The following MIPOL1 variants were observed in gnomAD, a reference collection of about 807,000 sequenced individuals.
MIPOL1 encodes mirror-image polydactyly 1.
MIPOL1 carries 57 observed loss-of-function variants against 60.9 expected under a neutral mutation model. The ratio of observed to expected loss-of-function variants is 0.94; its 90% CI spans 0.76 to 1.17. MIPOL1 has a LOEUF of 1.17. Ranked by LOEUF, MIPOL1 falls within the 50% of genes most tolerant of loss-of-function variation. MIPOL1 has a pLI of 0.00. For missense variants in MIPOL1, 551 were observed against 511.6 expected (o/e 1.08, Z -0.74); for synonymous variants, 179 against 168.8 (o/e 1.06, Z -0.47).
intron 12 of MIPOL1, among the ~76,000 whole-genome samples, chr14:37,527,167 G>A (rs1464140790): frequency 6.6e-6 from 1 of 151,278 alleles, no homozygotes; most frequent in African/African-American, 2.4e-5. Context: ...AAATAAATTA[G>A]CTTTTTATTA....
chr14:37,270,632 G>A, intron 6 of MIPOL1, 107 bp downstream of exon 6: 1 of 397,064 alleles, frequency 2.5e-6, no homozygotes, highest in Non-Finnish European at 4.2e-6. Flanking sequence ...CAAAGGAGGG[G>A]AAGCTCTCCT....
At chr14:37,259,504 C>G (rs553889153) in intron 3 of MIPOL1, among the ~76,000 whole-genome samples, 1 of 151,838 alleles carries the variant, frequency 6.6e-6, no homozygotes, top group Non-Finnish European at 1.5e-5. Context: ...AAGGTTGAGG[C>G]TGTAGTGAGC....
chr14:37,345,938 G>A (rs551063589), intron 9 of MIPOL1, among the ~76,000 whole-genome samples: 18 of 152,162 alleles, frequency 1.2e-4, no homozygotes, highest in Admixed American at 1.2e-3. Flanking sequence ...TATACAATTG[G>A]CATTTACTTA....
chr14:37,251,391 A>C (rs994476581), intron 3 of MIPOL1, among the ~76,000 whole-genome samples: 1 of 152,132 alleles, frequency 6.6e-6, no homozygotes, highest in Non-Finnish European at 1.5e-5. Context: ...AAGGAGTTAA[A>C]AAAACAGTCC....
At chr14:37,306,409 G>C (rs537859351) in intron 7 of MIPOL1, among the ~76,000 whole-genome samples, 10 of 151,748 alleles carry the variant, frequency 6.6e-5, no homozygotes, top group Non-Finnish European at 1.0e-4. Context: ...GGTTCCAGAG[G>C]AATCTAACAG....
At chr14:37,432,150 C>T (rs958426819) in intron 11 of MIPOL1, among the ~76,000 whole-genome samples, 1 of 152,152 alleles carries the variant, frequency 6.6e-6, no homozygotes, top group African/African-American at 2.4e-5. Flanking sequence ...GGCTTCACAT[C>T]ATAATTTAAG....
chr14:37,436,426 G>C (rs1319631213), intron 11 of MIPOL1, among the ~76,000 whole-genome samples: 2 of 152,080 alleles, frequency 1.3e-5, no homozygotes, highest in Non-Finnish European at 2.9e-5. Context: ...ACATGCATTA[G>C]TAAATGAATT....
At chr14:37,493,089 A>G (rs2095068626) in intron 11 of MIPOL1, among the ~76,000 whole-genome samples, 2 of 152,198 alleles carry the variant, frequency 1.3e-5, no homozygotes, top group South Asian at 4.1e-4. Flanking sequence ...AAACAGAATA[A>G]TAAGTGCATA....
At chr14:37,219,080 A>G (rs954155283) in intron 1 of MIPOL1, among the ~76,000 whole-genome samples, 2 of 152,166 alleles carry the variant, frequency 1.3e-5, no homozygotes, top group Non-Finnish European at 2.9e-5. Flanking sequence ...GGCAAATGGG[A>G]CTTTACAGCT....
chr14:37,353,271 G>C (rs1185299304), intron 9 of MIPOL1, among the ~76,000 whole-genome samples: 2 of 135,944 alleles, frequency 1.5e-5, no homozygotes, highest in Non-Finnish European at 3.1e-5. Context: ...TGATCATGGT[G>C]AATAAGCTTT....
intron 10 of MIPOL1, among the ~76,000 whole-genome samples, chr14:37,406,629 T>C (rs2093591803): frequency 6.6e-6 from 1 of 152,160 alleles, no homozygotes; most frequent in South Asian, 2.1e-4. Flanking sequence ...GTGGACTTTT[T>C]TGAGGAACCC....
chr14:37,223,763 A>G, intron 1 of MIPOL1, among the ~76,000 whole-genome samples: 1 of 152,164 alleles, frequency 6.6e-6, no homozygotes, highest in East Asian at 1.9e-4. Context: ...GGTCCCCCAG[A>G]GTGCTGGGAT....
At chr14:37,386,822 A>G (rs1025041960) in intron 10 of MIPOL1, among the ~76,000 whole-genome samples, 6 of 151,988 alleles carry the variant, frequency 3.9e-5, no homozygotes, top group Admixed American at 3.9e-4. Context: ...TGATCTTACT[A>G]GCTTTAAATA....
chr14:37,464,965 A>C (rs149497954), intron 11 of MIPOL1, among the ~76,000 whole-genome samples: 1 of 152,202 alleles, frequency 6.6e-6, no homozygotes, highest in Non-Finnish European at 1.5e-5. Flanking sequence ...ATTTCAGTGA[A>C]GTTTTGTTAT....
Position 37,547,046 on chromosome 14 carries a change from C to A in MIPOL1, c.*75C>A. 7.8e-7 allele frequency: 1 copy of A among 1,276,202 alleles called. No homozygotes were observed. Among genetic ancestry groups the A allele is most frequent in the Non-Finnish European group, 1.1e-6 (1 of 881,928 alleles). The allele number at this position is 1,276,202 out of a possible 1,614,324, so 79.1% of individuals were successfully genotyped here. ...TGCTTCATTCAACACTGTGTAAACACCAAAGCCTTAACTTAGCAAACAGTT... is the reference window on the plus strand; with the variant it reads ...TGCTTCATTCAACACTGTGTAAACAACAAAGCCTTAACTTAGCAAACAGTT... On this transcript the variant is annotated 3_prime_UTR_variant, in exon 13 of 13. Coordinates refer to ENST00000684589, the MANE Select transcript of MIPOL1 (RefSeq NM_001388067.1).
chr14:37,342,129 A>G (rs1331360623), intron 9 of MIPOL1, among the ~76,000 whole-genome samples: 3 of 152,118 alleles, frequency 2.0e-5, no homozygotes, highest in Admixed American at 6.5e-5. Flanking sequence ...TGGGAGGCCA[A>G]GGCGGGTGAA....
At chr14:37,544,432 T>C (rs948333631) in intron 12 of MIPOL1, among the ~76,000 whole-genome samples, 2 of 152,202 alleles carry the variant, frequency 1.3e-5, no homozygotes, top group Admixed American at 6.5e-5. Context: ...ATCCTAGCTC[T>C]AGCCCTTTTC....
rs539532491 is a variant in MIPOL1, at chr14:37,242,418, C to G, written c.-198-4685C>G. 4.0e-5 allele frequency among the ~76,000 whole-genome samples: 6 copies of G among 151,784 alleles called. No individual in the cohort carries two copies. In the South Asian group the frequency reaches 1.3e-3, roughly 32 times the overall value. ...TACTTTGTGCCTGTATTGTTTTGAC[C>G]GAGGATATATTTGTATAGGAAATCT... On this transcript the variant is annotated intron_variant, in intron 1 of 12. Coordinates refer to ENST00000684589, the MANE Select transcript of MIPOL1 (RefSeq NM_001388067.1).
intron 9 of MIPOL1, among the ~76,000 whole-genome samples, chr14:37,362,176 C>T (rs905840554): frequency 2.0e-5 from 3 of 152,050 alleles, no homozygotes; most frequent in South Asian, 2.1e-4. Flanking sequence ...TTAATTTGCC[C>T]GTTAATTGAT....
Sources: allele counts gnomAD v4.1 joint callset (sites outside exome capture counted in the v4.1 genomes callset), GRCh38; gene constraint gnomAD v4.1.1; transcripts MANE v1.5; gene names NCBI Gene and HGNC (gene_info 2026-07-23, HGNC 2026-07-21).